VRTN: variants seen among roughly 807,000 people sequenced by gnomAD.
VRTN encodes the protein vertebrae development associated.
VRTN carries 5 observed loss-of-function variants against 18.2 expected under a neutral mutation model. The ratio of observed to expected loss-of-function variants is 0.27; its 90% CI spans 0.14 to 0.58. VRTN has a LOEUF of 0.58. Among genes scored for constraint, VRTN ranks in the 20% least tolerant of loss-of-function variants. The probability of loss-of-function intolerance (pLI) is 0.91; values close to 1 mark genes in which losing one functional copy is unlikely to be tolerated. For missense variants in VRTN, 741 were observed against 939.4 expected (o/e 0.79, Z 2.76); for synonymous variants, 381 against 393.7 (o/e 0.97, Z 0.38).
At chr14:74,316,549 A>C (rs943300237) in intron 1 of VRTN, among the ~76,000 whole-genome samples, 2 of 151,934 alleles carry the variant, frequency 1.3e-5, no homozygotes, top group African/African-American at 4.8e-5. Context: ...ACCTGAATGA[A>C]GTGAAGGAAG....
chr14:74,314,049 C>T (rs927639208), intron 1 of VRTN, among the ~76,000 whole-genome samples: 4 of 152,290 alleles, frequency 2.6e-5, no homozygotes, highest in African/African-American at 9.6e-5. Context: ...TAAATCTCCT[C>T]TTTATCATAA....
intron 1 of VRTN, among the ~76,000 whole-genome samples, chr14:74,312,130 TC>T (rs747935867): frequency 8.5e-5 from 13 of 152,222 alleles, no homozygotes; most frequent in Non-Finnish European, 1.6e-4. Context: ...AAACCCATTG[TC>T]AAATTGTGCC....
At chr14:74,332,335 G>GCT (rs2085531854) in intron 1 of VRTN, among the ~76,000 whole-genome samples, 1 of 39,540 alleles carries the variant, frequency 2.5e-5, no homozygotes, top group Non-Finnish European at 5.0e-5. Context: ...CTCCTAATCT[G>GCT]TTTTTTTTTT....
At chr14:74,312,962 C>T (rs1431044634) in intron 1 of VRTN, among the ~76,000 whole-genome samples, 4 of 151,874 alleles carry the variant, frequency 2.6e-5, no homozygotes, top group African/African-American at 4.8e-5. Flanking sequence ...AGGCTGGTCT[C>T]GAACTCCTGA....
upstream of VRTN, among the ~76,000 whole-genome samples, chr14:74,346,885 A>AT (rs1337239162): frequency 6.6e-6 from 1 of 152,154 alleles, no homozygotes; most frequent in Non-Finnish European, 1.5e-5. Flanking sequence ...AATTATCTTC[A>AT]TTGGTTTTTA....
At chr14:74,315,786 C>A (rs925269241) in intron 1 of VRTN, among the ~76,000 whole-genome samples, 1 of 152,132 alleles carries the variant, frequency 6.6e-6, no homozygotes, top group African/African-American at 2.4e-5. Flanking sequence ...ATAGAGATTG[C>A]ATATTGGTAG....
intron 1 of VRTN, among the ~76,000 whole-genome samples, chr14:74,333,441 G>A (rs960143243): frequency 6.6e-6 from 1 of 152,026 alleles, no homozygotes; most frequent in Non-Finnish European, 1.5e-5. Context: ...AGTGAGCCAA[G>A]ATGATGCCAT....
rs1354651888 is a variant in VRTN at position 74,356,808 on chromosome 14, C to A, written c.25C>A (p.Gln9Lys). 1 of 1,603,726 alleles carries A rather than the reference C, an allele frequency of 6.2e-7. No individual in the cohort carries two copies. The highest frequency in any genetic ancestry group is 2.2e-5 in the East Asian group (1 of 44,700). ...GATGACTTCTCGGAACCAGCTGGTGCAGAAGGTGCTGCAGGAGCTGCAGGA... is the reference window on the plus strand; with the variant it reads ...GATGACTTCTCGGAACCAGCTGGTGAAGAAGGTGCTGCAGGAGCTGCAGGA... MTSRNQLVQKVLQELQEAV... is the reference protein window; with the variant it reads MTSRNQLVKKVLQELQEAV... The change falls in exon 2 of 2, where the codon CAG (glutamine) becomes AAG (lysine). Residue 9 changes from glutamine (Q) to lysine (K), a missense_variant. By Grantham distance (53) the Gln-to-Lys change is moderately conservative (BLOSUM62 1). Around this residue, in one of 3 missense-constraint regions of VRTN, gnomAD observed 186 missense variants for 288.3 expected, o/e 0.65. Transcript: ENST00000256362.
chr14:74,308,048 A>G (rs188086919), intron 1 of VRTN, among the ~76,000 whole-genome samples: 1 of 152,064 alleles, frequency 6.6e-6, no homozygotes, highest in African/African-American at 2.4e-5. Flanking sequence ...ATTAGTTCAA[A>G]TTTCTAATTA....
chr14:74,338,459 C>G lies in VRTN; in HGVS notation c.-2+575C>G, dbSNP rs1382071857. On this transcript the variant is annotated intron_variant, in intron 2 of 2. Transcript: ENST00000557177. ...CTTACCATAGAGAATTTGCTATGCA[C>G]TCTTCTGTCCTGACTGGAAGACTGC... Among the ~76,000 whole-genome samples, 4 of 152,218 alleles carry G rather than the reference C, an allele frequency of 2.6e-5. No individual in the cohort carries two copies. The East Asian group carries it at 5.8e-4, about 22-fold the overall frequency.
chr14:74,303,535 A>G (rs1159962891), intron 1 of VRTN, among the ~76,000 whole-genome samples: 1 of 152,220 alleles, frequency 6.6e-6, no homozygotes, highest in Non-Finnish European at 1.5e-5. Flanking sequence ...TGGGCGACAA[A>G]GAGAGACCCT....
intron 2 of VRTN, among the ~76,000 whole-genome samples, chr14:74,340,110 A>ATT (rs71115984): frequency 0.067 from 7,539 of 113,172 alleles, 564 homozygotes; most frequent in African/African-American, 0.17. Flanking sequence ...TAATGTTTGT[A>ATT]TTTTTTTTTT....
chr14:74,356,550 G>A (rs1035304640), intron 1 of VRTN, among the ~76,000 whole-genome samples: 1 of 152,208 alleles, frequency 6.6e-6, no homozygotes. Context: ...GAGAGGTTAA[G>A]TGATCCAAGG....
chr14:74,303,842 G>GCT (rs1567031977), intron 1 of VRTN, among the ~76,000 whole-genome samples: 1 of 120,870 alleles, frequency 8.3e-6, no homozygotes, highest in African/African-American at 4.0e-5. Context: ...GACAATTACA[G>GCT]ATTTTTTTTT....
chr14:74,322,178 C>T (rs1292174122), intron 1 of VRTN, among the ~76,000 whole-genome samples: 6 of 150,892 alleles, frequency 4.0e-5, no homozygotes, highest in African/African-American at 7.3e-5. Context: ...GACAGGGTCT[C>T]ACTCTGTTGC....
At chr14:74,344,213 A>C (rs2140208094), upstream of VRTN, among the ~76,000 whole-genome samples, 1 of 142,658 alleles carries the variant, frequency 7.0e-6, no homozygotes, top group African/African-American at 2.6e-5. Context: ...GTTCAAAACC[A>C]GCCTGGACAG....
chr14:74,357,953 C>T lies in VRTN; in HGVS notation c.1170C>T (p.Ser390=), dbSNP rs569492942. Residue 390 remains serine, a synonymous_variant, in exon 2 of 2, where the codon TCC becomes TCT. Coordinates refer to ENST00000256362, the MANE Select transcript of VRTN (RefSeq NM_018228.3). The surrounding 1 kb of genome is among the most constrained non-coding windows in gnomAD (Gnocchi z 7.8). ...TGGCTGAGGAGGAGCTGGAGTGCTC[C>T]GCACTGGCGGTGTCAAGCCCTGGAA... ...EQVAEEELEC[S]ALAVSSPGMV... is the part of the protein sequence containing the mutation. The T allele has an allele frequency of 7.8e-5, 126 of 1,614,166 alleles. No homozygotes were observed. Among genetic ancestry groups the T allele is most frequent in the South Asian group, 2.7e-4 (25 of 91,082 alleles).
At chr14:74,330,070 T>G (rs1455402867) in intron 1 of VRTN, among the ~76,000 whole-genome samples, 2 of 151,872 alleles carry the variant, frequency 1.3e-5, no homozygotes, top group African/African-American at 4.8e-5. Flanking sequence ...AGACGGGGTT[T>G]CGCTATGTTG....
chr14:74,328,760 G>A (rs1208055466), intron 1 of VRTN, among the ~76,000 whole-genome samples: 1 of 152,242 alleles, frequency 6.6e-6, no homozygotes, highest in African/African-American at 2.4e-5. Context: ...CACTTCAGGA[G>A]GCTGAGATGG....
Sources: allele counts gnomAD v4.1 joint callset (sites outside exome capture counted in the v4.1 genomes callset), GRCh38; gene constraint gnomAD v4.1.1; regional missense constraint gnomAD v4.1.1; non-coding constraint Gnocchi (gnomAD v3.1); transcripts MANE v1.5; gene names NCBI Gene and HGNC (gene_info 2026-07-23, HGNC 2026-07-21).